CBL: variants seen among roughly 807,000 people sequenced by gnomAD.
CBL encodes the protein E3 ubiquitin-protein ligase CBL.
A neutral mutation model predicts 96.9 loss-of-function variants in CBL; 45 were observed. The ratio of observed to expected loss-of-function variants is 0.46; its 90% CI spans 0.37 to 0.60. The LOEUF (loss-of-function observed/expected upper bound fraction) is 0.60. CBL is among the 20% of genes least tolerant of loss of function. CBL has a pLI of 0.00. For missense variants in CBL, 1,024 were observed against 1,143.5 expected (o/e 0.90, Z 1.51); for synonymous variants, 420 against 426.8 (o/e 0.98, Z 0.20).
Position 119,222,705 on chromosome 11 carries a change from C to G in CBL, c.196-9743C>G, listed in dbSNP as rs557483981. Among the ~76,000 whole-genome samples, 11 of 150,644 alleles carry G rather than the reference C, an allele frequency of 7.3e-5. No homozygotes were observed. In the East Asian group the frequency reaches 2.1e-3, roughly 29 times the overall value. On this transcript the variant is annotated intron_variant, in intron 1 of 15. Coordinates refer to ENST00000264033, the MANE Select transcript of CBL (RefSeq NM_005188.4). ...TTCATGTTTGTTTTTTGAAGGTTAACTATGACTGCCAGTTTAAAATTCACT... is the reference window on the plus strand; with the variant it reads ...TTCATGTTTGTTTTTTGAAGGTTAAGTATGACTGCCAGTTTAAAATTCACT...
At chr11:119,284,304 T>C (rs1239666989) in intron 9 of CBL, among the ~76,000 whole-genome samples, 1 of 152,088 alleles carries the variant, frequency 6.6e-6, no homozygotes, top group African/African-American at 2.4e-5. Context: ...GCCATCCTTT[T>C]TTTTTATTTT....
chr11:119,242,832 C>CT (rs1227360413), intron 2 of CBL, among the ~76,000 whole-genome samples: 1 of 148,892 alleles, frequency 6.7e-6, no homozygotes, highest in Non-Finnish European at 1.5e-5. Context: ...GGCAAATCTA[C>CT]TTTTTTTTAC....
intron 2 of CBL, among the ~76,000 whole-genome samples, chr11:119,238,680 A>G (rs1259806285): frequency 6.6e-6 from 1 of 152,148 alleles, no homozygotes; most frequent in East Asian, 2.0e-4. Context: ...AAATACAAAA[A>G]ATTAGCCAGG....
In CBL at chr11:119,285,032, C is replaced by G; in HGVS notation, c.1495C>G (p.Arg499Gly). Reference sequence around the variant, plus strand: ...AGCTTCCCTTCCCCCGGTGCCACCACGACTTGACCTTCTGCCGCAGCGAGT... The same window carrying G: ...AGCTTCCCTTCCCCCGGTGCCACCAGGACTTGACCTTCTGCCGCAGCGAGT... Reference protein sequence around the residue: ...PQASLPPVPPRLDLLPQRVCV... With the variant: ...PQASLPPVPPGLDLLPQRVCV... Residue 499 changes from arginine to glycine, a missense_variant, in exon 10 of 16, where the codon CGA (arginine) becomes GGA (glycine). Around this residue, in one of 4 missense-constraint regions of CBL, gnomAD observed 695 missense variants for 661.6 expected, o/e 1.05. Coordinates refer to ENST00000264033, the MANE Select transcript of CBL (RefSeq NM_005188.4). 6.2e-7 allele frequency: 1 copy of G among 1,614,206 alleles called. No homozygotes were observed. Among genetic ancestry groups the G allele is most frequent in the Non-Finnish European group, 8.5e-7 (1 of 1,180,022 alleles).
intron 2 of CBL, among the ~76,000 whole-genome samples, chr11:119,271,007 G>C (rs890835628): frequency 2.6e-5 from 4 of 152,164 alleles, no homozygotes; most frequent in Admixed American, 6.5e-5. Context: ...CTCATTTTTG[G>C]TAAAGGAAGA....
intron 1 of CBL, among the ~76,000 whole-genome samples, chr11:119,225,636 C>T (rs1044228639): frequency 2.6e-5 from 4 of 151,698 alleles, no homozygotes; most frequent in Non-Finnish European, 4.4e-5. Flanking sequence ...TAGGCTCAAG[C>T]GATCTGCCCA....
In CBL at chr11:119,303,456, A is replaced by C. The variant is rs1269487421; in HGVS notation, c.*3675A>C. 8.6e-6 allele frequency: 2 copies of C among 233,490 alleles called. No individual in the cohort carries two copies. Among genetic ancestry groups the C allele is most frequent in the African/African-American group, 4.4e-5 (2 of 45,330 alleles). The allele number at this position is 233,490 out of a possible 1,614,324, so 14.5% of individuals were successfully genotyped here. A position where few individuals can be genotyped will look rare whatever the true frequency, so the allele number is the denominator to read the frequency against. ...CCTTGGCGCCACATAGTAGTTTACT[A>C]ATGTTTGGGGGATTGTACTTGGACT... On this transcript the variant is annotated 3_prime_UTR_variant, in exon 16 of 16. Transcript: ENST00000264033.
chr11:119,237,649 T>C (rs1949555536), intron 2 of CBL, among the ~76,000 whole-genome samples: 1 of 152,188 alleles, frequency 6.6e-6, no homozygotes, highest in Non-Finnish European at 1.5e-5. Context: ...TCCTTTTTAA[T>C]TGCATGGACT....
At position 119,299,701 on chromosome 11, in the gene CBL, G is replaced by GC. The variant is rs1478529995; in HGVS notation, c.2644dup (p.Gln882ProfsTer39). ...GGACATCCAGAAAGCTTTGGTCATTGCCCAGAACAACATCGAGATGGCCAA... is the reference window on the plus strand; with the variant it reads ...GGACATCCAGAAAGCTTTGGTCATTGCCCCAGAACAACATCGAGATGGCCAA... On this transcript the variant is annotated frameshift_variant, in exon 16 of 16. Coordinates refer to ENST00000264033, the MANE Select transcript of CBL (RefSeq NM_005188.4). LOFTEE classifies it high-confidence loss of function. 6.2e-7 allele frequency: 1 copy of GC among 1,614,044 alleles called. No homozygotes were observed. Among genetic ancestry groups the GC allele is most frequent in the Non-Finnish European group, 8.5e-7 (1 of 1,180,034 alleles).
At chr11:119,245,389 A>C (rs2135275678) in intron 2 of CBL, among the ~76,000 whole-genome samples, 1 of 152,226 alleles carries the variant, frequency 6.6e-6, no homozygotes, top group African/African-American at 2.4e-5. Context: ...TAGGTTTTTA[A>C]CCTTTAAACA....
chr11:119,306,641 G>C lies in CBL; in HGVS notation c.*6860G>C, dbSNP rs1565275511. The C allele has an allele frequency of 3.0e-6, 1 of 335,046 alleles. No homozygotes were observed. The highest frequency in any genetic ancestry group is 5.4e-6 in the Non-Finnish European group (1 of 185,320). The allele number at this position is 335,046 out of a possible 1,614,324, so 20.8% of individuals were successfully genotyped here. On this transcript the variant is annotated 3_prime_UTR_variant, in exon 16 of 16. Transcript: ENST00000264033. ...GCCATCTTAAAACTGGAGAGGCAGA[G>C]AACTACTTATGAGTCTGTAGACCAC...
At chr11:119,265,904 C>G (rs1292824651) in intron 2 of CBL, among the ~76,000 whole-genome samples, 2 of 151,260 alleles carry the variant, frequency 1.3e-5, no homozygotes, top group African/African-American at 4.9e-5. Flanking sequence ...TGCCTGTAGT[C>G]CCAGCTACTT....
chr11:119,278,536 C>G lies in CBL; in HGVS notation c.1254C>G (p.Phe418Leu), dbSNP rs2135304448. 2 of 1,614,126 alleles carry G rather than the reference C, an allele frequency of 1.2e-6. No individual in the cohort carries two copies. Among genetic ancestry groups the G allele is most frequent in the Non-Finnish European group, 1.7e-6 (2 of 1,179,994 alleles). ...AATCAGAAGGTCAGGGCTGTCCTTT[C>G]TGCCGATGTGAAATTAAAGGTACTG... ...WQESEGQGCP[F>L]CRCEIKGTEP... The change falls in exon 9 of 16, where the codon TTC becomes TTG. Residue 418 changes from phenylalanine to leucine, a missense_variant. Phe to Leu is a conservative substitution (Grantham distance 22). This residue lies in a region of CBL where 695 missense variants were observed against 661.6 expected (regional missense o/e 1.05). Transcript: ENST00000264033.
intron 1 of CBL, among the ~76,000 whole-genome samples, chr11:119,226,209 A>G (rs1199127399): frequency 6.6e-6 from 1 of 152,134 alleles, no homozygotes; most frequent in Non-Finnish European, 1.5e-5. Flanking sequence ...ATGGGCCCAA[A>G]TGATAGGACT....
At position 119,302,976 on chromosome 11, in the gene CBL, A is replaced by T; in HGVS notation, c.*3195A>T. ...CAAGATGTGGGATACTACTGTTAGTATTATTTAACTATTTTGTAGATTTAA... is the reference window on the plus strand; with the variant it reads ...CAAGATGTGGGATACTACTGTTAGTTTTATTTAACTATTTTGTAGATTTAA... On this transcript the variant is annotated 3_prime_UTR_variant, in exon 16 of 16. Coordinates refer to ENST00000264033, the MANE Select transcript of CBL (RefSeq NM_005188.4). 1 of 228,434 alleles carries T rather than the reference A, an allele frequency of 4.4e-6. No homozygotes were observed. The highest frequency in any genetic ancestry group is 8.7e-6 in the Non-Finnish European group (1 of 114,996). The allele number at this position is 228,434 out of a possible 1,614,324, so 14.2% of individuals were successfully genotyped here.
intron 1 of CBL, among the ~76,000 whole-genome samples, chr11:119,207,053 C>G (rs1440858023): frequency 6.6e-6 from 1 of 151,968 alleles, no homozygotes; most frequent in African/African-American, 2.4e-5. Flanking sequence ...TGAGATCTGA[C>G]TAGGGAATTA....
At position 119,206,342 on chromosome 11, in the gene CBL, C is replaced by G; in HGVS notation, c.-76C>G. The stretch of plus-strand genomic sequence containing the variant: ...CGGCGGCCGGGAGAGGCCCCTCCTT[C>G]ACGCCCTGCTTCTCTCCCTCGCTCG... On this transcript the variant is annotated 5_prime_UTR_variant, in exon 1 of 16. Coordinates refer to ENST00000264033, the MANE Select transcript of CBL (RefSeq NM_005188.4). 1 of 1,217,394 alleles carries G rather than the reference C, an allele frequency of 8.2e-7. No individual in the cohort carries two copies. The highest frequency in any genetic ancestry group is 3.5e-5 in the Admixed American group (1 of 28,676). 75.4% of individuals were successfully genotyped at this position (1,217,394 alleles called of 1,614,324 possible).
intron 15 of CBL, 54 bp from the exon 16 acceptor site, chr11:119,299,440 TG>T: frequency 6.7e-7 from 1 of 1,499,660 alleles, no homozygotes; most frequent in Non-Finnish European, 9.3e-7. Context: ...TTATTGCTGT[TG>T]TTAAATGAGG....
intron 1 of CBL, among the ~76,000 whole-genome samples, chr11:119,225,260 C>G (rs1949449060): frequency 6.6e-6 from 1 of 151,956 alleles, no homozygotes; most frequent in Non-Finnish European, 1.5e-5. Context: ...CCATGCCTGG[C>G]TAATTTTTGT....
Sources: gnomAD v4.1 joint callset for allele counts (sites outside exome capture counted in the v4.1 genomes callset) on GRCh38, gnomAD v4.1.1 for gene constraint, gnomAD v4.1.1 regional missense constraint, MANE v1.5 for transcripts, NCBI Gene and HGNC (gene_info 2026-07-23, HGNC 2026-07-21) for gene names.